Variants in FAM83G observed in about 807,000 individuals in gnomAD.
FAM83G encodes the protein protein FAM83G.
In FAM83G, 38 loss-of-function variants were observed where a neutral mutation model predicts 61.5. The observed-to-expected ratio is 0.62, with a 90% CI of 0.48 to 0.81. FAM83G has a LOEUF of 0.81. Ranked by LOEUF, FAM83G falls within the 30% of genes least tolerant of loss-of-function variation. The pLI, the probability that FAM83G is intolerant of heterozygous loss-of-function variation, is 0.00. For synonymous variants in FAM83G, 470 were observed against 476.1 expected (o/e 0.99, Z 0.17); for missense variants, 989 against 1,133.6 (o/e 0.87, Z 1.83).
chr17:18,973,884 G>GT (rs35778801), intron 5 of FAM83G, among the ~76,000 whole-genome samples: 35,574 of 95,244 alleles, frequency 0.37, 8,690 homozygotes, highest in Non-Finnish European at 0.44. Context: ...TTTTTTTTAA[G>GT]TTTTTTTTTT....
At position 18,968,985 on chromosome 17, in the gene FAM83G, C is replaced by T; in HGVS notation, c.*2374G>A. 1 of 1,506,636 alleles carries T rather than the reference C, an allele frequency of 6.6e-7. No homozygotes were observed. Among genetic ancestry groups the T allele is most frequent in the East Asian group, 2.3e-5 (1 of 43,236 alleles). 93.3% of individuals were successfully genotyped at this position (1,506,636 alleles called of 1,614,324 possible). ...GCCCAGAGAGGGCCTTGCCCGAGGT[C>T]ACCCAGGGAGTGGCTTGCTGGAGCC... On this transcript the variant is annotated 3_prime_UTR_variant, in exon 6 of 6. Coordinates refer to ENST00000388995, the MANE Select transcript of FAM83G (RefSeq NM_001039999.3). This position sits in a 1 kb window ranked among gnomAD's most constrained non-coding sequence, Gnocchi z 4.1.
intron 5 of FAM83G, among the ~76,000 whole-genome samples, chr17:18,975,255 G>A (rs941406645): frequency 4.6e-5 from 7 of 152,212 alleles, no homozygotes; most frequent in African/African-American, 1.4e-4. Flanking sequence ...AAGCAGGAAG[G>A]ACAGCAGCTT....
Position 19,004,106 on chromosome 17 carries a change from C to T in FAM83G, c.-65G>A, listed in dbSNP as rs1017964798. The T allele has an allele frequency of 1.2e-5, 18 of 1,481,984 alleles. No individual in the cohort carries two copies. The South Asian group carries it at 2.3e-4, about 19-fold the overall frequency. The allele number at this position is 1,481,984 out of a possible 1,614,324, so 91.8% of individuals were successfully genotyped here. On this transcript the variant is annotated 5_prime_UTR_variant, in exon 2 of 6. The change creates a premature stop within an existing upstream ORF in the 5' untranslated region. Coordinates refer to ENST00000388995, the MANE Select transcript of FAM83G (RefSeq NM_001039999.3). The surrounding 1 kb of genome is among the most constrained non-coding windows in gnomAD (Gnocchi z 5.4). The stretch of plus-strand genomic sequence containing the variant: ...GCAAGGTCCAGCTCCTAGCTCCGGC[C>T]CAGCTGGGGCACCGCGCGCTCGGGG...
chr17:18,978,617 G>A lies in FAM83G; in HGVS notation c.1049C>T (p.Ala350Val). 4.3e-6 allele frequency: 7 copies of A among 1,613,198 alleles called. No individual in the cohort carries two copies. The highest frequency in any genetic ancestry group is 1.3e-5 in the African/African-American group (1 of 75,018). The change falls in exon 5 of 6, where the codon GCA becomes GTA. Residue 350 changes from alanine to valine, a missense_variant. Transcript: ENST00000388995. The stretch of plus-strand genomic sequence containing the variant: ...GTCGACGCTCTTGGCCTTGACAAGT[G>A]CGTACTTGGGGTTGACGAGCTTCTT... The part of the protein sequence containing the change: ...VAKKLVNPKY[A>V]LVKAKSVDEI...
chr17:18,991,881 C>T (rs1262484008), intron 2 of FAM83G, among the ~76,000 whole-genome samples: 1 of 152,158 alleles, frequency 6.6e-6, no homozygotes, highest in Non-Finnish European at 1.5e-5. Context: ...ACCCAGGAGG[C>T]CCAATGCCCA....
intron 5 of FAM83G, chr17:18,976,619 G>C (rs2042986876): frequency 3.6e-6 from 2 of 549,324 alleles, no homozygotes; most frequent in Middle Eastern, 4.7e-4. Flanking sequence ...CAGGTCAGGG[G>C]ACTGAGTCCC....
chr17:18,981,186 C>G (rs966935309), intron 3 of FAM83G, among the ~76,000 whole-genome samples: 4 of 152,050 alleles, frequency 2.6e-5, no homozygotes, highest in Non-Finnish European at 5.9e-5. Context: ...AGAGGAGTAG[C>G]CTGAAGTGTG....
At chr17:18,989,561 G>A (rs1015821854) in intron 2 of FAM83G, among the ~76,000 whole-genome samples, 1 of 152,222 alleles carries the variant, frequency 6.6e-6, no homozygotes, top group Non-Finnish European at 1.5e-5. Flanking sequence ...GGCTTCTCTG[G>A]ACCCAGTTTT....
At chr17:18,986,519 T>A (rs1308303906) in intron 3 of FAM83G, among the ~76,000 whole-genome samples, 1 of 152,162 alleles carries the variant, frequency 6.6e-6, no homozygotes, top group African/African-American at 2.4e-5. Context: ...TGTGGGAGCC[T>A]CATCTGAATG....
chr17:18,992,246 C>T (rs571303200), intron 2 of FAM83G, among the ~76,000 whole-genome samples: 2 of 152,312 alleles, frequency 1.3e-5, no homozygotes, highest in Admixed American at 1.3e-4. Flanking sequence ...CTCGAATCCC[C>T]CACCTCCCTC....
Position 18,970,612 on chromosome 17 carries a change from T to A in FAM83G, c.*747A>T, listed in dbSNP as rs946753251. On this transcript the variant is annotated 3_prime_UTR_variant, in exon 6 of 6. Transcript: ENST00000388995. ...CCTTCAGGTGATCAGGATGAACACT[T>A]TAGAAGCCTCAGGAAGGTCCTCAAA... 1.2e-4 allele frequency: 31 copies of A among 259,274 alleles called. No homozygotes were observed. Among genetic ancestry groups the A allele is most frequent in the Non-Finnish European group, 1.7e-4 (23 of 132,664 alleles). The allele number at this position is 259,274 out of a possible 1,614,324, so 16.1% of individuals were successfully genotyped here.
At chr17:18,987,484 C>A (rs757983480) in intron 3 of FAM83G, among the ~76,000 whole-genome samples, 4 of 152,226 alleles carry the variant, frequency 2.6e-5, no homozygotes, top group Non-Finnish European at 5.9e-5. Context: ...CGATGGCTGG[C>A]AGAAGGAGGG....
chr17:18,970,999 C>G lies in FAM83G; in HGVS notation c.*360G>C, dbSNP rs752076277. The G allele has an allele frequency of 1.9e-6, 3 of 1,613,656 alleles. No homozygotes were observed. The highest frequency in any genetic ancestry group is 2.2e-5 in the East Asian group (1 of 44,880). On this transcript the variant is annotated 3_prime_UTR_variant, in exon 6 of 6. Coordinates refer to ENST00000388995, the MANE Select transcript of FAM83G (RefSeq NM_001039999.3). The stretch of plus-strand genomic sequence containing the variant: ...AACCACCAAACTGTCCCTGTTCCAC[C>G]CTGACCCCTCCAGCTTTTGACCAGA...
chr17:18,976,787 C>G (rs1261843161), intron 5 of FAM83G: 7 of 1,586,918 alleles, frequency 4.4e-6, no homozygotes, highest in Non-Finnish European at 6.0e-6. Context: ...TGAGGCCCAC[C>G]AAGGACCAAT....
intron 5 of FAM83G, among the ~76,000 whole-genome samples, chr17:18,972,160 T>C (rs1028086685): frequency 6.6e-6 from 1 of 152,150 alleles, no homozygotes; most frequent in Non-Finnish European, 1.5e-5. Context: ...CTGCTTCCTG[T>C]CTCTGGGCAG....
rs958696223 is a variant in FAM83G at position 18,968,853 on chromosome 17, C to T, written c.*2506G>A. The T allele has an allele frequency of 3.4e-6, 2 of 584,796 alleles. No homozygotes were observed. Among genetic ancestry groups the T allele is most frequent in the Non-Finnish European group, 3.0e-6 (1 of 330,254 alleles). 36.2% of individuals were successfully genotyped at this position (584,796 alleles called of 1,614,324 possible). On this transcript the variant is annotated 3_prime_UTR_variant, in exon 6 of 6. Transcript: ENST00000388995. This position sits in a 1 kb window ranked among gnomAD's most constrained non-coding sequence, Gnocchi z 4.1. ...ACAGTAATGTCCCCTGACATCCGCACAAGCTTGTAGCTCCACGGCCAGGTC... is the reference window on the plus strand; with the variant it reads ...ACAGTAATGTCCCCTGACATCCGCATAAGCTTGTAGCTCCACGGCCAGGTC...
rs757467227 is a variant in FAM83G at position 18,971,147 on chromosome 17, G to A, written c.*212C>T. ...GCACATGTTTCGAGACCCCCACACA[G>A]GGGACCTGCCGTGGACCGGGATGAC... is the stretch of plus-strand genomic sequence containing the variant. On this transcript the variant is annotated 3_prime_UTR_variant, in exon 6 of 6. Coordinates refer to ENST00000388995, the MANE Select transcript of FAM83G (RefSeq NM_001039999.3). The surrounding 1 kb of genome is among the most constrained non-coding windows in gnomAD (Gnocchi z 5.5). 1 of 1,614,064 alleles carries A rather than the reference G, an allele frequency of 6.2e-7. No homozygotes were observed. The highest frequency in any genetic ancestry group is 1.7e-5 in the Admixed American group (1 of 60,028).
intron 5 of FAM83G, chr17:18,975,928 C>A (rs1175021059): frequency 6.6e-6 from 1 of 152,122 alleles, no homozygotes; most frequent in East Asian, 1.9e-4. Flanking sequence ...GTGGCTCACG[C>A]TTGTAATCCC....
chr17:19,005,155 C>T (rs539830811), upstream of FAM83G, among the ~76,000 whole-genome samples: 1 of 152,312 alleles, frequency 6.6e-6, no homozygotes, highest in African/African-American at 2.4e-5. Context: ...GGAAACAGGT[C>T]TAGGGTACTG....
Sources: gnomAD v4.1 joint callset for allele counts (sites outside exome capture counted in the v4.1 genomes callset) on GRCh38, gnomAD v4.1.1 for gene constraint, Gnocchi (gnomAD v3.1) non-coding constraint, MANE v1.5 for transcripts, NCBI Gene and HGNC (gene_info 2026-07-23, HGNC 2026-07-21) for gene names.